RPS6KA2: variants seen among roughly 807,000 people sequenced by gnomAD.
The protein encoded by RPS6KA2 is ribosomal protein S6 kinase alpha-2.
RPS6KA2 carries 42 observed loss-of-function variants against 91.8 expected under a neutral mutation model. The ratio of observed to expected loss-of-function variants is 0.46; its 90% confidence interval spans 0.36 to 0.59. The LOEUF is 0.59. Among genes scored for constraint, RPS6KA2 ranks in the 20% least tolerant of loss-of-function variants. RPS6KA2 has a pLI of 0.00. For missense variants in RPS6KA2, 798 were observed against 978.5 expected, an observed-to-expected ratio of 0.82 and a Z score of 2.46; for synonymous variants, 414 against 393.6, an observed-to-expected ratio of 1.05 and a Z score of -0.61.
chr6:166,627,744 T>C (rs1464353300), upstream of RPS6KA2: 2 of 152,292 alleles, frequency 1.3e-5, no homozygotes, highest in Admixed American at 6.5e-5. Flanking sequence ...CCGGCTGCTC[T>C]TTCTTCCAGC....
rs981129649 is a variant in RPS6KA2 at position 166,854,315 on chromosome 6, C to A, written c.123+3885G>T. On this transcript the variant is annotated intron_variant, in intron 2 of 21. Coordinates refer to the RPS6KA2 transcript ENST00000503859. ...TCTTGGAAGCTGCACAGAACCGTAA[C>A]GTGAGGAATCACATGCCTAGATATC... is the stretch of plus-strand genomic sequence containing the variant. Among the ~76,000 whole-genome samples the A allele has an allele frequency of 2.0e-5, 3 of 152,302 alleles. No individual in the cohort carries two copies. In the South Asian group the frequency reaches 6.2e-4, roughly 32 times the overall value.
At chr6:166,473,757 C>T (rs1780857611) in intron 10 of RPS6KA2, among the ~76,000 whole-genome samples, 1 of 152,176 alleles carries the variant, frequency 6.6e-6, no homozygotes, top group African/African-American at 2.4e-5. Context: ...CTTCTGGGAA[C>T]ATTCAGTAGA....
At position 166,430,442 on chromosome 6, in the gene RPS6KA2, A is replaced by G. The variant is rs1779082779; in HGVS notation, c.1581+11T>C. ...CTCCTCCCCGAAGGCTGCCCCAGGCATGGCTCCTACCCCCTGGGAATGGAG... is the reference window on the plus strand; with the variant it reads ...CTCCTCCCCGAAGGCTGCCCCAGGCGTGGCTCCTACCCCCTGGGAATGGAG... On this transcript the variant is annotated intron_variant, in intron 16 of 20. Coordinates refer to ENST00000265678, the MANE Select transcript of RPS6KA2 (RefSeq NM_021135.6). 1 of 1,603,432 alleles carries G rather than the reference A, an allele frequency of 6.2e-7. No individual in the cohort carries two copies. The highest frequency in any genetic ancestry group is 8.5e-7 in the Non-Finnish European group (1 of 1,173,352).
At chr6:166,475,585 A>G (rs968345640) in intron 10 of RPS6KA2, 4 of 289,700 alleles carry the variant, frequency 1.4e-5, no homozygotes, top group South Asian at 1.0e-4. Flanking sequence ...CAAATAGATC[A>G]GTGGCCCCAA....
In RPS6KA2 at chr6:166,784,677, T is replaced by TGCATA. The variant is rs1562438355; in HGVS notation, c.123+73522_123+73523insTATGC. Reference sequence around the variant, plus strand: ...ATATACACATGTGCACACCTATCTATACCACATATATACACGTGCACACCT... The same window carrying TGCATA: ...ATATACACATGTGCACACCTATCTATGCATAACCACATATATACACGTGCACACCT... On this transcript the variant is annotated intron_variant, in intron 2 of 21. Transcript: ENST00000503859. Among the ~76,000 whole-genome samples the TGCATA allele has an allele frequency of 2.5e-4, 4 of 16,312 alleles. 1 individual carries two copies. The highest frequency in any genetic ancestry group is 4.7e-4 in the Non-Finnish European group (4 of 8,516). 10.7% of individuals were successfully genotyped at this position (16,312 alleles called of 152,430 possible). A position where few individuals can be genotyped will look rare whatever the true frequency, so the allele number is the denominator to read the frequency against.
intron 1 of RPS6KA2, among the ~76,000 whole-genome samples, chr6:166,558,794 C>A (rs776463580): frequency 1.3e-5 from 2 of 152,180 alleles, no homozygotes; most frequent in Admixed American, 6.5e-5. Context: ...AGTCACGGAG[C>A]ATCACAAGTG....
intron 16 of RPS6KA2, among the ~76,000 whole-genome samples, chr6:166,429,748 G>A (rs1276226840): frequency 1.3e-5 from 2 of 152,174 alleles, no homozygotes; most frequent in Non-Finnish European, 2.9e-5. Flanking sequence ...ACTGCATCCA[G>A]CAAAATTATT....
chr6:166,693,404 T>C (rs967471381), intron 2 of RPS6KA2, among the ~76,000 whole-genome samples: 1 of 152,212 alleles, frequency 6.6e-6, no homozygotes, highest in Non-Finnish European at 1.5e-5. Flanking sequence ...AAACTCTGGT[T>C]TCCTTGCACA....
In RPS6KA2 at chr6:166,508,078, C is replaced by G. The variant is rs919308405; in HGVS notation, c.459+125G>C. Reference sequence around the variant, plus strand: ...TTGCACACACTCACACATGCACACACCCCCACACACACACACGCACTCTCG... The same window carrying G: ...TTGCACACACTCACACATGCACACAGCCCCACACACACACACGCACTCTCG... On this transcript the variant is annotated intron_variant, in intron 5 of 20. Transcript: ENST00000265678. The surrounding 1 kb of genome is among the most constrained non-coding windows in gnomAD (Gnocchi z 4.3). The G allele has an allele frequency of 1.2e-4, 74 of 639,424 alleles. No homozygotes were observed. Among genetic ancestry groups the G allele is most frequent in the Non-Finnish European group, 1.8e-4 (62 of 352,040 alleles). 39.6% of individuals were successfully genotyped at this position (639,424 alleles called of 1,614,324 possible). A position where few individuals can be genotyped will look rare whatever the true frequency, so the allele number is the denominator to read the frequency against.
intron 5 of RPS6KA2, among the ~76,000 whole-genome samples, chr6:166,505,330 G>A (rs1583216143): frequency 6.6e-6 from 1 of 152,158 alleles, no homozygotes; most frequent in African/African-American, 2.4e-5. Context: ...GCTCACTCAG[G>A]CCAGCCGAAA....
At chr6:166,844,151 C>T (rs986513015) in intron 2 of RPS6KA2, among the ~76,000 whole-genome samples, 1 of 151,948 alleles carries the variant, frequency 6.6e-6, no homozygotes, top group Non-Finnish European at 1.5e-5. Context: ...GCAATAGACT[C>T]AAACAAGCAG....
intron 1 of RPS6KA2, among the ~76,000 whole-genome samples, chr6:166,617,058 A>G (rs1786441799): frequency 6.6e-6 from 1 of 152,256 alleles, no homozygotes. Context: ...CGCCCGCTCC[A>G]TCGTGGGCCG....
At chr6:166,799,233 G>T (rs1017750941) in intron 2 of RPS6KA2, among the ~76,000 whole-genome samples, 3 of 152,190 alleles carry the variant, frequency 2.0e-5, no homozygotes, top group Admixed American at 1.3e-4. Flanking sequence ...CCGGGCAGGG[G>T]CCCATCCCCA....
Position 166,448,949 on chromosome 6 carries a change from T to A in RPS6KA2, c.1207-100A>T. ...ATGTGGGGCGAAGAGAGGCACCGAC[T>A]GTGAACTGAGTGTGTGGAGGCCTGG... On this transcript the variant is annotated intron_variant, in intron 13 of 20. Coordinates refer to ENST00000265678, the MANE Select transcript of RPS6KA2 (RefSeq NM_021135.6). The surrounding 1 kb of genome is among the most constrained non-coding windows in gnomAD (Gnocchi z 4.7). The A allele has an allele frequency of 7.0e-7, 1 of 1,434,034 alleles. No homozygotes were observed. The highest frequency in any genetic ancestry group is 9.6e-7 in the Non-Finnish European group (1 of 1,041,190). The allele number at this position is 1,434,034 out of a possible 1,614,324, so 88.8% of individuals were successfully genotyped here. A position where few individuals can be genotyped will look rare whatever the true frequency, so the allele number is the denominator to read the frequency against.
intron 2 of RPS6KA2, among the ~76,000 whole-genome samples, chr6:166,537,501 G>C (rs372957776): frequency 6.6e-6 from 1 of 152,166 alleles, no homozygotes; most frequent in Non-Finnish European, 1.5e-5. Context: ...CCAAAATATT[G>C]CTGGTAATTT....
chr6:166,854,800 C>G (rs543870468), intron 2 of RPS6KA2, among the ~76,000 whole-genome samples: 7 of 152,230 alleles, frequency 4.6e-5, no homozygotes, highest in Admixed American at 4.6e-4. Flanking sequence ...TTTCAGAAAA[C>G]TAAAAACAGA....
intron 2 of RPS6KA2, among the ~76,000 whole-genome samples, chr6:166,829,613 A>C (rs913210188): frequency 2.6e-5 from 3 of 116,902 alleles, no homozygotes; most frequent in Admixed American, 9.2e-5. Flanking sequence ...AAAAAAAAAA[A>C]AAAAATTATT....
intron 11 of RPS6KA2, among the ~76,000 whole-genome samples, chr6:166,469,285 C>G (rs999040889): frequency 6.6e-6 from 1 of 151,198 alleles, no homozygotes; most frequent in Admixed American, 6.6e-5. Context: ...AATAACTCCA[C>G]TAACAGAAGC....
At chr6:166,628,300 T>C (rs548012369), upstream of RPS6KA2, among the ~76,000 whole-genome samples, 7 of 152,120 alleles carry the variant, frequency 4.6e-5, no homozygotes, top group Non-Finnish European at 1.0e-4. Context: ...TCTGTTTTCC[T>C]CTTGTGCACG....
Sources: gnomAD v4.1 joint callset for allele counts (sites outside exome capture counted in the v4.1 genomes callset) on GRCh38, gnomAD v4.1.1 for gene constraint, Gnocchi (gnomAD v3.1) non-coding constraint, MANE v1.5 for transcripts, NCBI Gene and HGNC (gene_info 2026-07-23, HGNC 2026-07-21) for gene names.